The following PCDHGA10 variants were observed in gnomAD, a reference collection of about 807,000 sequenced individuals.
The protein encoded by PCDHGA10 is protocadherin gamma subfamily A, 10.
Under a neutral mutation model 59.5 loss-of-function variants are expected in PCDHGA10, and 42 were observed. The ratio of observed to expected loss-of-function variants is 0.71; its 90% CI spans 0.55 to 0.91. The LOEUF (loss-of-function observed/expected upper bound fraction) is 0.91, where lower values mean the gene tolerates loss of function less well. Ranked by LOEUF, PCDHGA10 falls within the 40% of genes least tolerant of loss-of-function variation. PCDHGA10 has a pLI of 0.00. For missense variants in PCDHGA10, 1,111 were observed against 1,198.2 expected (o/e 0.93, Z 1.07); for synonymous variants, 511 against 517.2 (o/e 0.99, Z 0.16).
chr5:141,506,815 A>G (rs2099856451), intron 3 of PCDHGA10, among the ~76,000 whole-genome samples: 1 of 152,214 alleles, frequency 6.6e-6, no homozygotes, highest in African/African-American at 2.4e-5. Flanking sequence ...GCATTGCCCT[A>G]TATCATGAAC....
In PCDHGA10 at chr5:141,415,428, G is replaced by C. The variant is rs948747218; in HGVS notation, c.2253G>C (p.Arg751=). The C allele has an allele frequency of 1.2e-6, 2 of 1,614,088 alleles. No homozygotes were observed. Among genetic ancestry groups the C allele is most frequent in the Non-Finnish European group, 1.7e-6 (2 of 1,180,044 alleles). The change falls in exon 1 of 4, where the codon CGG becomes CGC. Residue 751 remains arginine (R), a synonymous_variant. Coordinates refer to ENST00000398610, the MANE Select transcript of PCDHGA10 (RefSeq NM_018913.3). The part of the protein sequence containing the change: ...GSHFVGVDGV[R]AFLQTYSHEV... Reference sequence around the variant, plus strand: ...ACTTTGTGGGCGTGGACGGGGTTCGGGCTTTCCTGCAGACCTATTCCCACG... The same window carrying C: ...ACTTTGTGGGCGTGGACGGGGTTCGCGCTTTCCTGCAGACCTATTCCCACG...
intron 1 of PCDHGA10, among the ~76,000 whole-genome samples, chr5:141,465,888 C>T (rs1031908926): frequency 5.3e-5 from 8 of 151,942 alleles, no homozygotes; most frequent in South Asian, 2.1e-4. Context: ...TTTGGGAGGC[C>T]GAGGCGGGCA....
chr5:141,423,434 T>C, intron 1 of PCDHGA10: 1 of 1,614,036 alleles, frequency 6.2e-7, no homozygotes, highest in Non-Finnish European at 8.5e-7. Flanking sequence ...TTGGCAGGTA[T>C]GCCCACGTCA....
In PCDHGA10 at chr5:141,486,329, A is replaced by C. The variant is rs1045072240; in HGVS notation, c.2437-8478A>C. 1.2e-6 allele frequency: 2 copies of C among 1,613,882 alleles called. No individual in the cohort carries two copies. Among genetic ancestry groups the C allele is most frequent in the African/African-American group, 2.7e-5 (2 of 74,866 alleles). ...AGACTCAGGGTCAAACGGAGATGTG[A>C]GCCTCCGCATTCCTGACCACTTGCC... On this transcript the variant is annotated intron_variant, in intron 1 of 3. Transcript: ENST00000398610. The surrounding 1 kb of genome is among the most constrained non-coding windows in gnomAD (Gnocchi z 5.0).
chr5:141,505,053 T>C (rs904041070), intron 2 of PCDHGA10, among the ~76,000 whole-genome samples: 2 of 152,108 alleles, frequency 1.3e-5, no homozygotes, highest in African/African-American at 4.8e-5. Context: ...TCCCAGCTAC[T>C]TGGGAGACTG....
chr5:141,466,468 T>C (rs1266315455), intron 1 of PCDHGA10, among the ~76,000 whole-genome samples: 1 of 152,368 alleles, frequency 6.6e-6, no homozygotes, highest in East Asian at 1.9e-4. Flanking sequence ...TTGTTTCTGC[T>C]GTTAATTGTA....
rs898536568 is a variant in PCDHGA10 at position 141,478,080 on chromosome 5, C to T, written c.2437-16727C>T. The T allele has an allele frequency of 1.9e-6, 3 of 1,614,012 alleles. No homozygotes were observed. The Admixed American group carries it at 5.0e-5, about 27-fold the overall frequency. The stretch of plus-strand genomic sequence containing the variant: ...TTGATCAAAGACAATGGGGAGCCTT[C>T]GCTCTCCACCACTGCTACCCTCACT... On this transcript the variant is annotated intron_variant, in intron 1 of 3. Coordinates refer to ENST00000398610, the MANE Select transcript of PCDHGA10 (RefSeq NM_018913.3).
chr5:141,458,509 CTTTGT>C (rs1181745590), intron 1 of PCDHGA10, among the ~76,000 whole-genome samples: 1 of 149,986 alleles, frequency 6.7e-6, no homozygotes, highest in Non-Finnish European at 1.5e-5. Context: ...CTGTTTGACA[CTTTGT>C]TTTTTTTTTT....
At chr5:141,509,216 T>C (rs2099875781) in intron 3 of PCDHGA10, among the ~76,000 whole-genome samples, 1 of 152,124 alleles carries the variant, frequency 6.6e-6, no homozygotes, top group South Asian at 2.1e-4. Flanking sequence ...TATTTCTCAA[T>C]CCCTGGTTGA....
At chr5:141,420,311 T>C (rs762191274) in intron 1 of PCDHGA10, 102 of 1,454,698 alleles carry the variant, frequency 7.0e-5, no homozygotes, top group Non-Finnish European at 9.3e-5. Flanking sequence ...CTTTTTATAT[T>C]ACAATATGCC....
Position 141,487,367 on chromosome 5 carries a change from G to A in PCDHGA10, c.2437-7440G>A. 1 of 1,614,204 alleles carries A rather than the reference G, an allele frequency of 6.2e-7. No individual in the cohort carries two copies. The highest frequency in any genetic ancestry group is 8.5e-7 in the Non-Finnish European group (1 of 1,180,030). ...CACATGCTTTCCTGCTGGCACCTGT[G>A]CCTGTCTCACCAGATCTCGAAGGAG... On this transcript the variant is annotated intron_variant, in intron 1 of 3. Coordinates refer to ENST00000398610, the MANE Select transcript of PCDHGA10 (RefSeq NM_018913.3). This position sits in a 1 kb window ranked among gnomAD's most constrained non-coding sequence, Gnocchi z 5.0.
At chr5:141,423,251 ACCTCGGCAG>A (rs770264100) in intron 1 of PCDHGA10, 3 of 1,613,726 alleles carry the variant, frequency 1.9e-6, no homozygotes, top group African/African-American at 2.7e-5. Flanking sequence ...GTCCTGGCGG[ACCTCGGCAG>A]CCTCGAGTCT....
In PCDHGA10 at chr5:141,489,200, G is replaced by A. The variant is rs1483035320; in HGVS notation, c.2437-5607G>A. The A allele has an allele frequency of 2.8e-6, 4 of 1,412,792 alleles. No individual in the cohort carries two copies. The highest frequency in any genetic ancestry group is 3.9e-6 in the Non-Finnish European group (4 of 1,038,374). The allele number at this position is 1,412,792 out of a possible 1,614,324, so 87.5% of individuals were successfully genotyped here. A position where few individuals can be genotyped will look rare whatever the true frequency, so the allele number is the denominator to read the frequency against. On this transcript the variant is annotated intron_variant, in intron 1 of 3. Coordinates refer to ENST00000398610, the MANE Select transcript of PCDHGA10 (RefSeq NM_018913.3). This position sits in a 1 kb window ranked among gnomAD's most constrained non-coding sequence, Gnocchi z 4.5. ...AAGCCCTGGGTCTACCTTGGAGACAGGACAGCACAGACTTACTCTCCACAA... is the reference window on the plus strand; with the variant it reads ...AAGCCCTGGGTCTACCTTGGAGACAAGACAGCACAGACTTACTCTCCACAA...
intron 1 of PCDHGA10, chr5:141,422,129 A>T: frequency 6.3e-7 from 1 of 1,599,702 alleles, no homozygotes; most frequent in East Asian, 2.2e-5. Flanking sequence ...CAAACTGGAG[A>T]AGTTCAAGTA....
At chr5:141,500,840 C>T (rs1394248251) in intron 2 of PCDHGA10, among the ~76,000 whole-genome samples, 1 of 151,966 alleles carries the variant, frequency 6.6e-6, no homozygotes, top group Non-Finnish European at 1.5e-5. Flanking sequence ...TGCTAATGGG[C>T]TTTTGCTACA....
intron 1 of PCDHGA10, chr5:141,423,848 G>A: frequency 1.6e-6 from 2 of 1,277,462 alleles, no homozygotes; most frequent in Non-Finnish European, 2.0e-6. Flanking sequence ...TAATCTTTCA[G>A]AACGTTTTTG....
Position 141,491,650 on chromosome 5 carries a change from G to C in PCDHGA10, c.2437-3157G>C, listed in dbSNP as rs1283977913. On this transcript the variant is annotated intron_variant, in intron 1 of 3. Coordinates refer to ENST00000398610, the MANE Select transcript of PCDHGA10 (RefSeq NM_018913.3). The surrounding 1 kb of genome is among the most constrained non-coding windows in gnomAD (Gnocchi z 6.9). ...TCAGCAGCCCACAGCTCTGGCGCTG[G>C]AGCCTGACGCCATCCGGTCCCGCTC... The C allele has an allele frequency of 6.2e-7, 1 of 1,613,876 alleles. No individual in the cohort carries two copies. The highest frequency in any genetic ancestry group is 1.7e-5 in the Admixed American group (1 of 60,034).
At chr5:141,418,029 G>A (rs775326655) in intron 1 of PCDHGA10, 1 of 1,614,022 alleles carries the variant, frequency 6.2e-7, no homozygotes, top group Non-Finnish European at 8.5e-7. Context: ...CTAGGGCTTA[G>A]TGTCCTGGAT....
Position 141,413,650 on chromosome 5 carries a change from C to T in PCDHGA10, c.475C>T (p.Pro159Ser), listed in dbSNP as rs1384444202. Reference sequence around the variant, plus strand: ...CGCTGCGGGAATGCGTTTTCCTCTCCCGGAAGCTATTGATCCGGATGTGGG... The same window carrying T: ...CGCTGCGGGAATGCGTTTTCCTCTCTCGGAAGCTATTGATCCGGATGTGGG... ...NVAAGMRFPLPEAIDPDVGVN... is the reference protein window; with the variant it reads ...NVAAGMRFPLSEAIDPDVGVN... Residue 159 changes from proline (P) to serine (S), a missense_variant, in exon 1 of 4, where the codon CCG becomes TCG. Transcript: ENST00000398610. 2 of 1,613,714 alleles carry T rather than the reference C, an allele frequency of 1.2e-6. No individual in the cohort carries two copies. Among genetic ancestry groups the T allele is most frequent in the Non-Finnish European group, 1.7e-6 (2 of 1,179,902 alleles).
Sources: allele counts gnomAD v4.1 joint callset (sites outside exome capture counted in the v4.1 genomes callset), GRCh38; gene constraint gnomAD v4.1.1; non-coding constraint Gnocchi (gnomAD v3.1); transcripts MANE v1.5; gene names NCBI Gene and HGNC (gene_info 2026-07-23, HGNC 2026-07-21).